Variants in FAAH2 observed in about 807,000 individuals in gnomAD.
FAAH2 encodes the protein fatty-acid amide hydrolase 2.
FAAH2 carries 60 observed loss-of-function variants against 36.9 expected under a neutral mutation model. That is an observed-to-expected ratio of 1.63 (90% confidence interval 1.32 to 2.02). The LOEUF is 2.02. FAAH2 is among the 30% of genes most tolerant of loss of function. FAAH2 has a pLI of 0.00. For synonymous variants in FAAH2, 214 were observed against 143.8 expected, an observed-to-expected ratio of 1.49 and a Z score of -3.49; for missense variants, 689 against 397.5, an observed-to-expected ratio of 1.73 and a Z score of -6.23.
At chrX:57,280,503 A>T in the FAAH2 span, among the ~76,000 whole-genome samples, 1 of 104,325 alleles carries the variant, frequency 9.6e-6, no homozygotes, top group Non-Finnish European at 1.9e-5. Context: ...ATGTTAAGCT[A>T]TCACTTTACA....
the FAAH2 span, among the ~76,000 whole-genome samples, chrX:57,223,712 C>A: frequency 8.9e-6 from 1 of 111,942 alleles, no homozygotes; most frequent in Non-Finnish European, 1.9e-5. Context: ...TCTGTACTTT[C>A]TCCAGGTAGA....
At chrX:57,473,232 T>C (rs940431256) in intron 10 of FAAH2, among the ~76,000 whole-genome samples, 16 of 111,624 alleles carry the variant, frequency 1.4e-4, no homozygotes, top group Admixed American at 4.8e-4. Flanking sequence ...ATTGTGTCTG[T>C]TTTTATACAC....
intron 10 of FAAH2, among the ~76,000 whole-genome samples, chrX:57,464,920 C>T (rs1329126892): frequency 9.0e-6 from 1 of 111,402 alleles, no homozygotes; most frequent in Non-Finnish European, 1.9e-5. Context: ...TTATCTTGGA[C>T]TTAGAAGACA....
At chrX:57,171,971 A>T in the FAAH2 span, among the ~76,000 whole-genome samples, 136 of 111,834 alleles carry the variant, frequency 1.2e-3, no homozygotes, top group Non-Finnish European at 2.1e-3. Flanking sequence ...TCTGCATGTA[A>T]CTATCCAATT....
Position 57,393,106 on chromosome X carries a change from A to G in FAAH2, c.996+12077A>G. The G allele has an allele frequency of 3.0e-6, 3 of 984,278 alleles. No individual in the cohort carries two copies. In the South Asian group the frequency reaches 5.7e-5, roughly 19 times the overall value. 81.1% of individuals were successfully genotyped at this position (984,278 alleles called of 1,213,427 possible). A position where few individuals can be genotyped will look rare whatever the true frequency, so the allele number is the denominator to read the frequency against. On this transcript the variant is annotated intron_variant, in intron 7 of 10. Transcript: ENST00000374900. ...GCCAGTGAGTGCACTTCACGGCATC[A>G]AAAGCCCTCTGTTCTCTGGAAAGGC...
chrX:57,414,272 C>T (rs2055779630), intron 7 of FAAH2, among the ~76,000 whole-genome samples: 1 of 112,078 alleles, frequency 8.9e-6, no homozygotes, highest in South Asian at 3.7e-4. Context: ...TGAGAGAGGG[C>T]ATCTTTGTCT....
At chrX:57,316,896 A>G (rs773729310) in intron 3 of FAAH2, among the ~76,000 whole-genome samples, 4 of 111,858 alleles carry the variant, frequency 3.6e-5, no homozygotes, top group African/African-American at 1.3e-4. Context: ...GTGGGACTTA[A>G]TTAAACTAAA....
the FAAH2 span, among the ~76,000 whole-genome samples, chrX:57,237,533 G>T: frequency 9.1e-6 from 1 of 110,457 alleles, no homozygotes; most frequent in Admixed American, 9.7e-5. Context: ...TTTTGGTGAA[G>T]AGAAATTTCA....
At chrX:57,475,196 T>C (rs2057243964) in intron 10 of FAAH2, among the ~76,000 whole-genome samples, 2 of 111,969 alleles carry the variant, frequency 1.8e-5, no homozygotes, top group African/African-American at 6.5e-5. Context: ...CTATTTAATT[T>C]GATTAGATTG....
At chrX:57,259,165 T>C in the FAAH2 span, among the ~76,000 whole-genome samples, 7 of 111,938 alleles carry the variant, frequency 6.3e-5, no homozygotes, top group Non-Finnish European at 1.1e-4. Context: ...TAAATTGGTA[T>C]AGTCATTATG....
the FAAH2 span, among the ~76,000 whole-genome samples, chrX:57,173,887 T>C: frequency 5.2e-4 from 58 of 111,874 alleles, no homozygotes; most frequent in African/African-American, 1.8e-3. Flanking sequence ...CCTGGATATG[T>C]TGAAACATTC....
intron 3 of FAAH2, among the ~76,000 whole-genome samples, chrX:57,324,884 G>A (rs765125490): frequency 4.5e-5 from 5 of 112,090 alleles, no homozygotes; most frequent in Admixed American, 1.9e-4. Flanking sequence ...ATGTTGAATA[G>A]GAGTGGTGAG....
intron 6 of FAAH2, among the ~76,000 whole-genome samples, chrX:57,379,083 G>A (rs1468187775): frequency 8.9e-6 from 1 of 111,894 alleles, no homozygotes; most frequent in African/African-American, 3.2e-5. Flanking sequence ...TTCACTTTAA[G>A]TTCAGCCTTT....
At chrX:57,245,212 GAGCAACCAGA>G in the FAAH2 span, among the ~76,000 whole-genome samples, 1 of 111,761 alleles carries the variant, frequency 8.9e-6, no homozygotes, top group African/African-American at 3.3e-5. Context: ...CCCAATACAG[GAGCAACCAGA>G]TTATAAACCA....
At chrX:57,481,191 C>G (rs1239289282) in intron 10 of FAAH2, among the ~76,000 whole-genome samples, 1 of 110,876 alleles carries the variant, frequency 9.0e-6, no homozygotes, top group Non-Finnish European at 1.9e-5. Flanking sequence ...AGAACATGCT[C>G]ATTTAGCTCA....
At chrX:57,289,837 GA>G (rs1395700339) in intron 1 of FAAH2, among the ~76,000 whole-genome samples, 1 of 110,611 alleles carries the variant, frequency 9.0e-6, no homozygotes, top group Non-Finnish European at 1.9e-5. Flanking sequence ...GAGCTGAAGA[GA>G]GGGGAGAAGG....
intron 5 of FAAH2, among the ~76,000 whole-genome samples, chrX:57,359,049 A>T (rs138897857): frequency 0.012 from 1,296 of 110,561 alleles, 20 homozygotes; most frequent in African/African-American, 0.041. Context: ...ATCCAATTAT[A>T]CTCTTTCGGT....
chrX:57,414,045 TTTGCACA>T (rs2055771411), intron 7 of FAAH2, among the ~76,000 whole-genome samples: 1 of 112,200 alleles, frequency 8.9e-6, no homozygotes, highest in Non-Finnish European at 1.9e-5. Flanking sequence ...GTTTGTAATT[TTTGCACA>T]TTGATTTTGT....
chrX:57,152,571 G>T, the FAAH2 span, among the ~76,000 whole-genome samples: 7 of 112,407 alleles, frequency 6.2e-5, no homozygotes, highest in African/African-American at 1.6e-4. Context: ...CTCCAAGCCA[G>T]GTGCAGGATA....
Sources: gnomAD v4.1 joint callset for allele counts (sites outside exome capture counted in the v4.1 genomes callset) on GRCh38, gnomAD v4.1.1 for gene constraint, MANE v1.5 for transcripts, NCBI Gene and HGNC (gene_info 2026-07-23, HGNC 2026-07-21) for gene names.